CCDC171: variants seen among roughly 807,000 people sequenced by gnomAD.
The protein encoded by CCDC171 is coiled-coil domain-containing protein 171.
A neutral mutation model predicts 168.2 loss-of-function variants in CCDC171; 177 were observed. That is an observed-to-expected ratio of 1.05 (90% CI 0.93 to 1.19). The LOEUF is 1.19. CCDC171 is among the 50% of genes most tolerant of loss of function. CCDC171 has a pLI of 0.00. For missense variants in CCDC171, 1,991 were observed against 1,539.0 expected, an observed-to-expected ratio of 1.29 and a Z score of -4.91; for synonymous variants, 687 against 540.8, an observed-to-expected ratio of 1.27 and a Z score of -3.75.
At chr9:15,899,497 G>GGT (rs1821352789) in intron 24 of CCDC171, among the ~76,000 whole-genome samples, 1 of 151,996 alleles carries the variant, frequency 6.6e-6, no homozygotes, top group Non-Finnish European at 1.5e-5. Flanking sequence ...GCCAGCACTT[G>GGT]GTGTTATCCC....
At chr9:16,075,938 C>T in the CCDC171 span, among the ~76,000 whole-genome samples, 3 of 152,154 alleles carry the variant, frequency 2.0e-5, no homozygotes, top group Non-Finnish European at 4.4e-5. Context: ...CCAGTAAGCA[C>T]ACTGTTTTAT....
At chr9:15,847,666 T>C (rs1262416886) in intron 22 of CCDC171, among the ~76,000 whole-genome samples, 1 of 152,124 alleles carries the variant, frequency 6.6e-6, no homozygotes, top group East Asian at 1.9e-4. Context: ...TGAATTTCTT[T>C]ACTTGCAAAA....
At chr9:15,985,813 C>T (rs1275532403) in intron 3 of CCDC171, among the ~76,000 whole-genome samples, 1 of 152,180 alleles carries the variant, frequency 6.6e-6, no homozygotes, top group Non-Finnish European at 1.5e-5. Flanking sequence ...ATATGAGTCC[C>T]TTTGACAGAC....
intron 3 of CCDC171, among the ~76,000 whole-genome samples, chr9:15,574,554 C>T (rs1461797016): frequency 6.6e-6 from 1 of 151,586 alleles, no homozygotes; most frequent in African/African-American, 2.4e-5. Flanking sequence ...GCTGGGATTA[C>T]AGGTGTAAGC....
At chr9:16,028,109 GAT>G (rs1833307444) in intron 6 of CCDC171, among the ~76,000 whole-genome samples, 1 of 152,186 alleles carries the variant, frequency 6.6e-6, no homozygotes, top group African/African-American at 2.4e-5. Flanking sequence ...AAAGGCAGGA[GAT>G]ATGTCTTCAT....
intron 25 of CCDC171, among the ~76,000 whole-genome samples, chr9:15,958,542 T>A (rs556510543): frequency 6.8e-6 from 1 of 147,374 alleles, no homozygotes; most frequent in East Asian, 2.0e-4. Flanking sequence ...TATTATATTA[T>A]ATTATATTAT....
intron 3 of CCDC171, among the ~76,000 whole-genome samples, chr9:15,994,831 A>G (rs1253540512): frequency 1.3e-5 from 2 of 152,206 alleles, no homozygotes; most frequent in Non-Finnish European, 2.9e-5. Context: ...TATCTATTTT[A>G]GAAACTTCTT....
intron 23 of CCDC171, among the ~76,000 whole-genome samples, chr9:15,851,164 T>C (rs1343542644): frequency 6.6e-6 from 1 of 151,990 alleles, no homozygotes; most frequent in Admixed American, 6.6e-5. Flanking sequence ...ATTTTATTTA[T>C]ACTTGTTAGT....
chr9:15,872,642 G>T (rs1461484512), intron 23 of CCDC171, among the ~76,000 whole-genome samples: 1 of 151,780 alleles, frequency 6.6e-6, no homozygotes, highest in East Asian at 1.9e-4. Context: ...CTCATTTGGG[G>T]GCTCAAATTT....
intron 24 of CCDC171, among the ~76,000 whole-genome samples, chr9:15,898,970 C>T (rs1563961817): frequency 6.6e-6 from 1 of 152,146 alleles, no homozygotes. Flanking sequence ...CATATCACCC[C>T]CTGTCCTGCC....
intron 3 of CCDC171, among the ~76,000 whole-genome samples, chr9:15,988,482 C>T (rs182306620): frequency 6.6e-6 from 1 of 152,290 alleles, no homozygotes; most frequent in East Asian, 1.9e-4. Context: ...CTCCAGTCTA[C>T]AGTTCCCAGC....
At chr9:15,563,295 C>T (rs576503974) in intron 1 of CCDC171, among the ~76,000 whole-genome samples, 24 of 151,968 alleles carry the variant, frequency 1.6e-4, no homozygotes, top group Admixed American at 3.3e-4. Context: ...TGTGCCACCC[C>T]GCCTGGCTAA....
rs551396801 is a variant in CCDC171 at position 15,909,659 on chromosome 9, C to T, written c.3601-10611C>T. ...AGTAATAGGCCGTCTGTATCTCATTCCCTCCTATATCCTTAAAATTTGTAA... is the reference window on the plus strand; with the variant it reads ...AGTAATAGGCCGTCTGTATCTCATTTCCTCCTATATCCTTAAAATTTGTAA... On this transcript the variant is annotated intron_variant, in intron 24 of 25. Coordinates refer to ENST00000380701, the MANE Select transcript of CCDC171 (RefSeq NM_173550.4). Among the ~76,000 whole-genome samples, 20 of 152,116 alleles carry T rather than the reference C, an allele frequency of 1.3e-4. No individual in the cohort carries two copies. The East Asian group carries it at 3.7e-3, about 28-fold the overall frequency.
intron 21 of CCDC171, among the ~76,000 whole-genome samples, chr9:15,800,725 G>A (rs1191020989): frequency 2.0e-5 from 3 of 151,930 alleles, no homozygotes; most frequent in Non-Finnish European, 2.9e-5. Context: ...GTGTTTTCTT[G>A]TAGTAGTTTT....
At chr9:16,063,358 C>G (rs944933685), downstream of CCDC171, among the ~76,000 whole-genome samples, 2 of 152,220 alleles carry the variant, frequency 1.3e-5, no homozygotes, top group African/African-American at 4.8e-5. Flanking sequence ...TGGGATAACT[C>G]TCTGGCTCCC....
chr9:15,980,920 T>C (rs2132868754), intron 3 of CCDC171, among the ~76,000 whole-genome samples: 1 of 150,712 alleles, frequency 6.6e-6, no homozygotes, highest in South Asian at 2.1e-4. Context: ...TAACTGAACC[T>C]ACAGTTCCAT....
chr9:15,823,454 G>A (rs2059880266), intron 21 of CCDC171, among the ~76,000 whole-genome samples: 1 of 151,914 alleles, frequency 6.6e-6, no homozygotes, highest in South Asian at 2.1e-4. Context: ...GCTATTTTTA[G>A]TGTAGTTTGA....
intron 6 of CCDC171, among the ~76,000 whole-genome samples, chr9:15,597,875 A>T (rs1053031579): frequency 4.6e-5 from 7 of 152,026 alleles, no homozygotes; most frequent in South Asian, 2.1e-4. Flanking sequence ...TAGTCTTGGG[A>T]GGGTGTATGT....
the CCDC171 span, among the ~76,000 whole-genome samples, chr9:16,101,972 T>C: frequency 3.3e-3 from 502 of 152,312 alleles, 1 homozygote; most frequent in African/African-American, 0.01. Flanking sequence ...AGGGAAACTT[T>C]GAGGTATAAA....
Sources: gnomAD v4.1 joint callset for allele counts (sites outside exome capture counted in the v4.1 genomes callset) on GRCh38, gnomAD v4.1.1 for gene constraint, MANE v1.5 for transcripts, NCBI Gene and HGNC (gene_info 2026-07-23, HGNC 2026-07-21) for gene names.